The following MYO9B variants were observed in gnomAD, a reference collection of about 807,000 sequenced individuals.
The protein encoded by MYO9B is myosin IXB, also known as unconventional myosin-IXb.
A neutral mutation model predicts 229.5 loss-of-function variants in MYO9B; 71 were observed. The observed-to-expected ratio is 0.31, with a 90% CI of 0.26 to 0.38. The LOEUF is 0.38. MYO9B is among the 10% of genes least tolerant of loss of function. The pLI is 1.00. For synonymous variants in MYO9B, 1,185 were observed against 1,235.8 expected, an observed-to-expected ratio of 0.96 and a Z score of 0.86; for missense variants, 2,255 against 2,920.5, an observed-to-expected ratio of 0.77 and a Z score of 5.25.
At chr19:17,113,806 GA>G (rs1341647237) in intron 2 of MYO9B, among the ~76,000 whole-genome samples, 1 of 152,114 alleles carries the variant, frequency 6.6e-6, no homozygotes, top group African/African-American at 2.4e-5. Flanking sequence ...GCTGGGGCCC[GA>G]ATGCAGGGCA....
chr19:17,197,388 G>A (rs1179379389), intron 22 of MYO9B, among the ~76,000 whole-genome samples: 1 of 147,254 alleles, frequency 6.8e-6, no homozygotes, highest in Non-Finnish European at 1.5e-5. Flanking sequence ...TAGAAGGATG[G>A]ATGGATGGAT....
At position 17,102,162 on chromosome 19, in the gene MYO9B, G is replaced by A. The variant is rs1270133419; in HGVS notation, c.445G>A (p.Asp149Asn). Reference protein sequence around the residue: ...GLLPRQQADFDDLCNLPELTE... With the variant: ...GLLPRQQADFNDLCNLPELTE... ...CCTGCCACGGCAGCAGGCGGACTTT[G>A]ATGACCTGTGTAACCTCCCCGAGCT... is the stretch of plus-strand genomic sequence containing the variant. Residue 149 changes from aspartate to asparagine, a missense_variant, in exon 2 of 40, where the codon GAT (aspartate) becomes AAT (asparagine). Transcript: ENST00000682292. The A allele has an allele frequency of 6.2e-7, 1 of 1,613,818 alleles. No individual in the cohort carries two copies. The highest frequency in any genetic ancestry group is 1.3e-5 in the African/African-American group (1 of 75,064).
At chr19:17,087,343 G>A (rs1362027203) in intron 1 of MYO9B, among the ~76,000 whole-genome samples, 2 of 152,178 alleles carry the variant, frequency 1.3e-5, no homozygotes, top group Non-Finnish European at 2.9e-5. Context: ...GAAGGTCTGG[G>A]GGAATGTCTT....
In MYO9B at chr19:17,163,019, G is replaced by A. The variant is rs1364346530; in HGVS notation, c.1568G>A (p.Gly523Glu). Residue 523 changes from glycine (G) to glutamate (E), a missense_variant, in exon 10 of 40, where the codon GGG (glycine) becomes GAG (glutamate). Transcript: ENST00000682292. ...TCCATTGGGGTCCTGGACATCTTCG[G>A]GTTTGAAGACTTCGAGAGGAACAGC... ...CLSIGVLDIF[G>E]FEDFERNSFE... 6.2e-7 allele frequency: 1 copy of A among 1,609,486 alleles called. No homozygotes were observed. Among genetic ancestry groups the A allele is most frequent in the African/African-American group, 1.3e-5 (1 of 74,834 alleles).
At position 17,211,791 on chromosome 19, in the gene MYO9B, C is replaced by T. The variant is rs1347994226; in HGVS notation, c.6058+17C>T. 14 of 1,612,622 alleles carry T rather than the reference C, an allele frequency of 8.7e-6. No individual in the cohort carries two copies. The highest frequency in any genetic ancestry group is 2.7e-5 in the African/African-American group (2 of 74,792). On this transcript the variant is annotated intron_variant, in intron 39 of 39. Transcript: ENST00000682292. ...CCTCGGAAGGTCAGTATTAAGGTAG[C>T]GTCTGCTTTTCTCCTTCCCGTCCAT...
At chr19:17,091,003 C>G (rs773835186) in intron 1 of MYO9B, among the ~76,000 whole-genome samples, 1 of 152,150 alleles carries the variant, frequency 6.6e-6, no homozygotes, top group African/African-American at 2.4e-5. Flanking sequence ...CTGGGAAACC[C>G]CAAAAGACTG....
intron 1 of MYO9B, among the ~76,000 whole-genome samples, chr19:17,086,277 G>A (rs2057582353): frequency 6.6e-6 from 1 of 152,104 alleles, no homozygotes. Flanking sequence ...GGACCCACCG[G>A]CCACACTGGG....
chr19:17,129,495 G>A (rs1042267246), intron 2 of MYO9B, among the ~76,000 whole-genome samples: 5 of 152,234 alleles, frequency 3.3e-5, no homozygotes, highest in Non-Finnish European at 7.3e-5. Flanking sequence ...GGCTCCCAGA[G>A]GCCAAGACAC....
chr19:17,124,841 A>G (rs968499051), intron 2 of MYO9B, among the ~76,000 whole-genome samples: 1 of 152,076 alleles, frequency 6.6e-6, no homozygotes, highest in Non-Finnish European at 1.5e-5. Flanking sequence ...GTATGTTATC[A>G]GAATCCATGG....
intron 19 of MYO9B, among the ~76,000 whole-genome samples, chr19:17,190,693 C>G (rs895266035): frequency 6.6e-6 from 1 of 151,428 alleles, no homozygotes; most frequent in Admixed American, 6.6e-5. Flanking sequence ...GAGTCTCTCT[C>G]TGTCGCCCAG....
Position 17,163,015 on chromosome 19 carries a change from T to G in MYO9B, c.1564T>G (p.Phe522Val). ...SCLSIGVLDIFGFEDFERNSF... is the reference protein window; with the variant it reads ...SCLSIGVLDIVGFEDFERNSF... ...CCTGTCCATTGGGGTCCTGGACATC[T>G]TCGGGTTTGAAGACTTCGAGAGGAA... is the stretch of plus-strand genomic sequence containing the variant. The change falls in exon 10 of 40, where the codon TTC (phenylalanine) becomes GTC (valine). Residue 522 changes from phenylalanine to valine, a missense_variant. Phe to Val is a conservative substitution (Grantham distance 50). Coordinates refer to ENST00000682292, the MANE Select transcript of MYO9B (RefSeq NM_004145.4). 1.2e-6 allele frequency: 2 copies of G among 1,610,040 alleles called. No individual in the cohort carries two copies. Among genetic ancestry groups the G allele is most frequent in the Non-Finnish European group, 1.7e-6 (2 of 1,178,278 alleles).
intron 1 of MYO9B, among the ~76,000 whole-genome samples, chr19:17,080,678 G>A (rs1273189282): frequency 6.6e-6 from 1 of 152,048 alleles, no homozygotes; most frequent in Admixed American, 6.6e-5. Flanking sequence ...GACCAGCCTG[G>A]ACAACATAGC....
chr19:17,134,381 G>GTTTGTTTTTTTTTTTTTTTTT (rs2072241804), intron 2 of MYO9B, among the ~76,000 whole-genome samples: 1 of 46,476 alleles, frequency 2.2e-5, no homozygotes, highest in African/African-American at 8.9e-5. Context: ...CGTTTTGTTT[G>GTTTGTTTTTTTTTTTTTTTTT]TTTTTTTTTT....
intron 15 of MYO9B, among the ~76,000 whole-genome samples, chr19:17,181,844 C>A (rs947615581): frequency 6.6e-6 from 1 of 151,724 alleles, no homozygotes; most frequent in South Asian, 2.1e-4. Flanking sequence ...GGTATGATCT[C>A]GGCTCACTGC....
intron 23 of MYO9B, 86 bp downstream of exon 23, chr19:17,197,944 C>T (rs968390781): frequency 2.0e-6 from 3 of 1,522,784 alleles, no homozygotes. Flanking sequence ...ACCCCAGCTA[C>T]TCAGGAGGCT....
In MYO9B at chr19:17,129,012, G is replaced by C. The variant is rs184293494; in HGVS notation, c.841-16385G>C. 2.0e-5 allele frequency among the ~76,000 whole-genome samples: 3 copies of C among 152,296 alleles called. No individual in the cohort carries two copies. In the East Asian group the frequency reaches 5.8e-4, roughly 29 times the overall value. Reference sequence around the variant, plus strand: ...ATCTCAGTGCCTGCATGGCCTTGACGGGACAGGGGAGATCAGAAGTTCTGC... The same window carrying C: ...ATCTCAGTGCCTGCATGGCCTTGACCGGACAGGGGAGATCAGAAGTTCTGC... On this transcript the variant is annotated intron_variant, in intron 2 of 39. Transcript: ENST00000682292.
chr19:17,184,746 C>A, intron 16 of MYO9B, 119 bp from the exon 17 acceptor site: 1 of 1,355,802 alleles, frequency 7.4e-7, no homozygotes, highest in Non-Finnish European at 1.0e-6. Flanking sequence ...CTAAGAGCTG[C>A]TGCCCGGGCA....
intron 1 of MYO9B, among the ~76,000 whole-genome samples, chr19:17,076,954 T>A (rs1242893808): frequency 2.6e-5 from 4 of 152,098 alleles, no homozygotes; most frequent in Non-Finnish European, 2.9e-5. Flanking sequence ...CTCCTTTCTT[T>A]CCTGGGCACC....
chr19:17,078,028 G>A (rs2057502322), intron 1 of MYO9B, among the ~76,000 whole-genome samples: 1 of 152,140 alleles, frequency 6.6e-6, no homozygotes, highest in African/African-American at 2.4e-5. Flanking sequence ...CTGTTTGGCT[G>A]TAGGATTCGT....
Sources: gnomAD v4.1 joint callset for allele counts (sites outside exome capture counted in the v4.1 genomes callset) on GRCh38, gnomAD v4.1.1 for gene constraint, MANE v1.5 for transcripts, NCBI Gene and HGNC (gene_info 2026-07-23, HGNC 2026-07-21) for gene names.